Variants in SELENOS observed in about 807,000 individuals in gnomAD.
SELENOS encodes VCP interacting membrane selenoprotein.
Under a neutral mutation model 30.2 loss-of-function variants are expected in SELENOS, and 37 were observed. That is an observed-to-expected ratio of 1.23 (90% CI 0.94 to 1.61). The LOEUF (loss-of-function observed/expected upper bound fraction) is 1.61. Among genes scored for constraint, SELENOS ranks in the 40% most tolerant of loss-of-function variants. SELENOS has a pLI of 0.00. For missense variants in SELENOS, 289 were observed against 231.8 expected, an observed-to-expected ratio of 1.25 and a Z score of -1.60; for synonymous variants, 119 against 91.6, an observed-to-expected ratio of 1.30 and a Z score of -1.71.
intron 2 of SELENOS, among the ~76,000 whole-genome samples, 186 bp from the exon 3 acceptor site, chr15:101,275,547 C>T (rs950337281): frequency 3.3e-5 from 5 of 152,176 alleles, no homozygotes; most frequent in Non-Finnish European, 7.4e-5. Flanking sequence ...GGGTCTGTTG[C>T]TGAGCCACGG....
At position 101,275,177 on chromosome 15, in the gene SELENOS, AACACAG is replaced by A; in HGVS notation, c.318+72_318+77del. The A allele has an allele frequency of 2.3e-6, 3 of 1,285,944 alleles. No individual in the cohort carries two copies. The South Asian group carries it at 4.6e-5, about 20-fold the overall frequency. The allele number at this position is 1,285,944 out of a possible 1,614,324, so 79.7% of individuals were successfully genotyped here. A position where few individuals can be genotyped will look rare whatever the true frequency, so the allele number is the denominator to read the frequency against. ...GACCTGGTCCTAGAAGCTTATAGAC[AACACAG>A]ACACAGGCATCGTTAGCCACTAAAC... On this transcript the variant is annotated intron_variant, in intron 3 of 5. Coordinates refer to ENST00000526049, the MANE Select transcript of SELENOS (RefSeq NM_018445.6).
chr15:101,273,300 C>A (rs1244066648), intron 5 of SELENOS, among the ~76,000 whole-genome samples: 2 of 152,136 alleles, frequency 1.3e-5, no homozygotes, highest in Non-Finnish European at 2.9e-5. Context: ...CCTTCCCTAC[C>A]CCCAACCACC....
intron 2 of SELENOS, 76 bp downstream of exon 2, chr15:101,276,465 C>T: frequency 7.0e-7 from 1 of 1,420,234 alleles, no homozygotes; most frequent in East Asian, 2.6e-5. Flanking sequence ...GCCCCTCTTA[C>T]TTTTACTAAG....
At chr15:101,273,473 C>T (rs1002925211) in intron 5 of SELENOS, among the ~76,000 whole-genome samples, 1 of 152,164 alleles carries the variant, frequency 6.6e-6, no homozygotes, top group African/African-American at 2.4e-5. Context: ...TTTGTAAAGC[C>T]AGGCTAGTCA....
In SELENOS at chr15:101,275,270, C is replaced by G. The variant is rs772872244; in HGVS notation, c.303G>C (p.Lys101Asn). The change falls in exon 3 of 6, where the codon AAG becomes AAC. Residue 101 changes from lysine (K) to asparagine (N), a missense_variant. Transcript: ENST00000526049. ...CAGTTCATACTTGTTTCAGTTTTTCCTTATGCTTTTCAACTTGCGCATTTA... is the reference window on the plus strand; with the variant it reads ...CAGTTCATACTTGTTTCAGTTTTTCGTTATGCTTTTCAACTTGCGCATTTA... ...EELNAQVEKH[K>N]EKLKQLEEEK... 3.2e-6 allele frequency: 5 copies of G among 1,560,052 alleles called. No individual in the cohort carries two copies. Among genetic ancestry groups the G allele is most frequent in the Non-Finnish European group, 4.3e-6 (5 of 1,152,322 alleles).
chr15:101,276,014 C>T (rs2039322570), intron 2 of SELENOS, among the ~76,000 whole-genome samples: 1 of 151,700 alleles, frequency 6.6e-6, no homozygotes, highest in South Asian at 2.1e-4. Flanking sequence ...CTCCAGCTCC[C>T]AGGTTCAAGC....
rs140868919 is a variant in SELENOS at position 101,275,411 on chromosome 15, T to G, written c.212-50A>C. On this transcript the variant is annotated intron_variant, in intron 2 of 5. Coordinates refer to ENST00000526049, the MANE Select transcript of SELENOS (RefSeq NM_018445.6). ...ATAAAGCACTGTGTACAATATAAAA[T>G]AGAAACTTTTGAGTGTCCATATTAT... 6.1e-4 allele frequency: 865 copies of G among 1,424,126 alleles called. 2 individuals carry two copies. In the African/African-American group the frequency reaches 0.011, roughly 18 times the overall value. The allele number at this position is 1,424,126 out of a possible 1,614,324, so 88.2% of individuals were successfully genotyped here.
At chr15:101,276,242 CTTTTTTTTTTT>C (rs34035984) in intron 2 of SELENOS, among the ~76,000 whole-genome samples, 1 of 122,500 alleles carries the variant, frequency 8.2e-6, no homozygotes, top group South Asian at 2.6e-4. Context: ...ATACTTCCTA[CTTTTTTTTTTT>C]TTTTTTTTTT....
Position 101,274,459 on chromosome 15 carries a change from G to A in SELENOS, c.445C>T (p.Leu149=), listed in dbSNP as rs763033586. 4 of 1,609,642 alleles carry A rather than the reference G, an allele frequency of 2.5e-6. No individual in the cohort carries two copies. The East Asian group carries it at 6.7e-5, about 27-fold the overall frequency. ...DSPGPSTSSV[L]KRKSDRKPLR... ...GGCTTTCTGTCCGATTTCCGTTTCAGGACAGATGAAGTGGAAGGCCCAGGA... is the reference window on the plus strand; with the variant it reads ...GGCTTTCTGTCCGATTTCCGTTTCAAGACAGATGAAGTGGAAGGCCCAGGA... Residue 149 remains leucine, a synonymous_variant, in exon 5 of 6, where the codon CTG becomes TTG. Transcript: ENST00000526049.
downstream of SELENOS, chr15:101,271,770 C>T (rs1460375457): frequency 6.6e-6 from 1 of 152,230 alleles, no homozygotes; most frequent in Non-Finnish European, 1.5e-5. Context: ...GGGGTCCACA[C>T]ACTACAGCAT....
At chr15:101,273,694 A>G (rs1337955579) in intron 5 of SELENOS, among the ~76,000 whole-genome samples, 1 of 152,220 alleles carries the variant, frequency 6.6e-6, no homozygotes, top group Admixed American at 6.5e-5. Flanking sequence ...TTCTGACACA[A>G]AGGGGATTAC....
chr15:101,274,109 A>T, intron 5 of SELENOS: 1 of 424,072 alleles, frequency 2.4e-6, no homozygotes, highest in South Asian at 2.9e-5. Flanking sequence ...TCCCAGCCAG[A>T]AAGACCAAAA....
intron 1 of SELENOS, chr15:101,277,008 G>A (rs1242897642): frequency 5.6e-6 from 3 of 539,872 alleles, no homozygotes; most frequent in Non-Finnish European, 9.9e-6. Flanking sequence ...GTGACAGCGC[G>A]GGGAGTCAGG....
At position 101,274,682 on chromosome 15, in the gene SELENOS, C is replaced by A; in HGVS notation, c.319-1G>T. ...TCTGTCTCCTTTTTTCTTCTTCAAG[C>A]TGAGAAACAATCACATTTTACAGAA... On this transcript the variant is annotated splice_acceptor_variant, in intron 3 of 5. Transcript: ENST00000526049. LOFTEE classifies it high-confidence loss of function. 1.2e-6 allele frequency: 2 copies of A among 1,609,730 alleles called. No homozygotes were observed. The highest frequency in any genetic ancestry group is 1.1e-5 in the South Asian group (1 of 90,016).
downstream of SELENOS, chr15:101,271,358 G>A (rs2039266743): frequency 6.6e-6 from 1 of 152,184 alleles, no homozygotes; most frequent in Admixed American, 6.5e-5. Flanking sequence ...ACTGGAAGGG[G>A]AGTGAGGGTC....
intron 4 of SELENOS, 35 bp downstream of exon 4, chr15:101,274,557 C>G: frequency 1.2e-6 from 2 of 1,610,816 alleles, no homozygotes; most frequent in Non-Finnish European, 1.7e-6. Context: ...CAATCTTCAT[C>G]TACCGCATGC....
chr15:101,274,529 T>G (rs2039302146), intron 4 of SELENOS, 34 bp from the exon 5 acceptor site: 1 of 1,607,658 alleles, frequency 6.2e-7, no homozygotes. Flanking sequence ...TAAGAAGCAA[T>G]TAAAACATTC....
At chr15:101,274,167 T>G (rs986500879) in intron 5 of SELENOS, 8 of 543,782 alleles carry the variant, frequency 1.5e-5, no homozygotes, top group Middle Eastern at 4.9e-4. Context: ...TGGCAGACAA[T>G]TCCTCACCCT....
intron 1 of SELENOS, chr15:101,277,047 C>T (rs534882093): frequency 1.6e-6 from 1 of 606,416 alleles, no homozygotes; most frequent in African/African-American, 1.9e-5. Context: ...TGGGACGGGT[C>T]CCAGAGGCAA....
Sources: allele counts gnomAD v4.1 joint callset (sites outside exome capture counted in the v4.1 genomes callset), GRCh38; gene constraint gnomAD v4.1.1; transcripts MANE v1.5; gene names NCBI Gene and HGNC (gene_info 2026-07-23, HGNC 2026-07-21).